The following CERS6 variants were observed in gnomAD, a reference collection of about 807,000 sequenced individuals.
The protein encoded by CERS6 is ceramide synthase 6, also known as LAG1 homolog, ceramide synthase 6.
CERS6 carries 26 observed loss-of-function variants against 56.8 expected under a neutral mutation model. That is an observed-to-expected ratio of 0.46 (90% CI 0.34 to 0.63). CERS6 has a LOEUF of 0.63. CERS6 is among the 30% of genes least tolerant of loss of function. CERS6 has a pLI of 0.01. For synonymous variants in CERS6, 164 were observed against 173.3 expected (o/e 0.95, Z 0.42); for missense variants, 415 against 467.5 (o/e 0.89, Z 1.04).
chr2:168,741,042 CAGTG>C (rs975226934), intron 8 of CERS6, among the ~76,000 whole-genome samples: 4 of 152,112 alleles, frequency 2.6e-5, no homozygotes, highest in Non-Finnish European at 5.9e-5. Flanking sequence ...TTAAGTAACT[CAGTG>C]AGGGCTGAAG....
chr2:168,591,181 T>G (rs1374240064), intron 3 of CERS6, among the ~76,000 whole-genome samples: 1 of 152,208 alleles, frequency 6.6e-6, no homozygotes, highest in Non-Finnish European at 1.5e-5. Flanking sequence ...TGTAATAGAG[T>G]CCAAGTAATT....
intron 8 of CERS6, among the ~76,000 whole-genome samples, chr2:168,752,700 T>C (rs2105447532): frequency 6.6e-6 from 1 of 152,354 alleles, no homozygotes; most frequent in Non-Finnish European, 1.5e-5. Flanking sequence ...AATGTCCTGC[T>C]GCTGAAAGCT....
chr2:168,613,289 T>C (rs1684232076), intron 3 of CERS6, among the ~76,000 whole-genome samples: 1 of 152,018 alleles, frequency 6.6e-6, no homozygotes, highest in Admixed American at 6.6e-5. Context: ...GATATAGAGA[T>C]GGTTAGAGGC....
At chr2:168,662,825 TAA>T (rs1014284597) in intron 4 of CERS6, among the ~76,000 whole-genome samples, 7 of 152,250 alleles carry the variant, frequency 4.6e-5, no homozygotes, top group African/African-American at 1.7e-4. Context: ...ATATGTGGTA[TAA>T]AGTCTTTGCA....
intron 4 of CERS6, among the ~76,000 whole-genome samples, chr2:168,685,597 T>C (rs929820121): frequency 6.6e-6 from 1 of 152,108 alleles, no homozygotes; most frequent in African/African-American, 2.4e-5. Context: ...AAAGAGCAGA[T>C]TTACTGACAC....
At chr2:168,626,726 C>T (rs1170454418) in intron 3 of CERS6, among the ~76,000 whole-genome samples, 1 of 152,156 alleles carries the variant, frequency 6.6e-6, no homozygotes, top group Non-Finnish European at 1.5e-5. Context: ...ATTTACCAGG[C>T]GTCTGGCTTT....
chr2:168,711,268 T>TC (rs1687081568), intron 6 of CERS6, among the ~76,000 whole-genome samples: 1 of 152,210 alleles, frequency 6.6e-6, no homozygotes, highest in African/African-American at 2.4e-5. Flanking sequence ...CATCACCAGC[T>TC]ACTCAGCTGC....
intron 8 of CERS6, among the ~76,000 whole-genome samples, chr2:168,755,808 A>G (rs751466153): frequency 1.1e-4 from 16 of 152,186 alleles, no homozygotes; most frequent in Non-Finnish European, 2.4e-4. Flanking sequence ...GAGTTCAGTG[A>G]ATTATCAGAA....
chr2:168,669,877 T>A (rs966917939), intron 4 of CERS6, among the ~76,000 whole-genome samples: 1 of 152,216 alleles, frequency 6.6e-6, no homozygotes, highest in African/African-American at 2.4e-5. Flanking sequence ...GCAGATTTTC[T>A]TCAAAGACCA....
chr2:168,748,800 C>T (rs546083999), intron 8 of CERS6, among the ~76,000 whole-genome samples: 26 of 137,966 alleles, frequency 1.9e-4, no homozygotes, highest in Non-Finnish European at 3.6e-4. Flanking sequence ...ATTAGTATAA[C>T]ATTTAATCCC....
At chr2:168,684,139 G>T (rs978317404) in intron 4 of CERS6, among the ~76,000 whole-genome samples, 2 of 152,156 alleles carry the variant, frequency 1.3e-5, no homozygotes, top group Admixed American at 6.6e-5. Flanking sequence ...CCTTTTTAAA[G>T]CCTGATCAAT....
At position 168,774,584 on chromosome 2, in the gene CERS6, A is replaced by G. The variant is rs1473702600; in HGVS notation, c.*4922A>G. 1 of 151,938 alleles carries G rather than the reference A, an allele frequency of 6.6e-6. No homozygotes were observed. Among genetic ancestry groups the G allele is most frequent in the African/African-American group, 2.4e-5 (1 of 41,334 alleles). 9.4% of individuals were successfully genotyped at this position (151,938 alleles called of 1,614,324 possible). On this transcript the variant is annotated 3_prime_UTR_variant, in exon 10 of 10. Coordinates refer to ENST00000305747, the MANE Select transcript of CERS6 (RefSeq NM_203463.3). ...CATTGAGACAATTTTTTCTTTATCC[A>G]CAGTAATTTTTTGACACTGTCATCA...
At chr2:168,585,780 C>T (rs1683526528) in intron 3 of CERS6, among the ~76,000 whole-genome samples, 1 of 152,142 alleles carries the variant, frequency 6.6e-6, no homozygotes, top group South Asian at 2.1e-4. Context: ...AGTAGAAGTC[C>T]ATCAGAAAAA....
intron 3 of CERS6, among the ~76,000 whole-genome samples, chr2:168,567,708 T>C (rs1695908043): frequency 6.6e-6 from 1 of 152,212 alleles, no homozygotes; most frequent in Admixed American, 6.5e-5. Flanking sequence ...GAATATCGTC[T>C]CCTAGTGCTA....
chr2:168,765,496 G>A, intron 8 of CERS6, 96 bp from the exon 9 acceptor site: 1 of 1,256,952 alleles, frequency 8.0e-7, no homozygotes, highest in African/African-American at 1.5e-5. Flanking sequence ...GTAGTTGGGA[G>A]ATATTGTTGA....
At chr2:168,521,420 A>G (rs1694981365) in intron 1 of CERS6, among the ~76,000 whole-genome samples, 1 of 152,176 alleles carries the variant, frequency 6.6e-6, no homozygotes, top group Non-Finnish European at 1.5e-5. Flanking sequence ...ATGAGTTGAT[A>G]GATTTGTCAT....
rs1444905268 is a variant in CERS6, at chr2:168,769,825, T to A, written c.*163T>A. Reference sequence around the variant, plus strand: ...CACTGCCATGTGTCCTGTCTGTGAATGAAGAAGAATTACCATTCTCTCTTT... The same window carrying A: ...CACTGCCATGTGTCCTGTCTGTGAAAGAAGAAGAATTACCATTCTCTCTTT... On this transcript the variant is annotated 3_prime_UTR_variant, in exon 10 of 10. Coordinates refer to ENST00000305747, the MANE Select transcript of CERS6 (RefSeq NM_203463.3). The A allele has an allele frequency of 4.6e-6, 3 of 647,660 alleles. No homozygotes were observed. The highest frequency in any genetic ancestry group is 7.8e-6 in the Non-Finnish European group (3 of 384,004). 40.1% of individuals were successfully genotyped at this position (647,660 alleles called of 1,614,324 possible).
At position 168,755,623 on chromosome 2, in the gene CERS6, TC is replaced by T. The variant is rs1430335905; in HGVS notation, c.846-9966del. ...TGTTAAAATGAGAAAATACAAATTGTCCCAGCCTCAGCAACTACCCAAATAG... is the reference window on the plus strand; with the variant it reads ...TGTTAAAATGAGAAAATACAAATTGTCCAGCCTCAGCAACTACCCAAATAG... On this transcript the variant is annotated intron_variant, in intron 8 of 9. Coordinates refer to ENST00000305747, the MANE Select transcript of CERS6 (RefSeq NM_203463.3). Among the ~76,000 whole-genome samples, 11 of 152,178 alleles carry T rather than the reference TC, an allele frequency of 7.2e-5. 1 individual carries two copies. Among genetic ancestry groups the T allele is most frequent in the Non-Finnish European group, 1.6e-4 (11 of 68,028 alleles).
chr2:168,744,110 A>G lies in CERS6; in HGVS notation c.846-21482A>G, dbSNP rs559921993. ...AAGCTCCACCTCCTGTGTTCTCGCC[A>G]TTCTCCTGCCTCAGCCTCCTGAGTA... On this transcript the variant is annotated intron_variant, in intron 8 of 9. Transcript: ENST00000305747. Among the ~76,000 whole-genome samples the G allele has an allele frequency of 2.1e-3, 293 of 136,404 alleles. 1 individual carries two copies. Among genetic ancestry groups the G allele is most frequent in the African/African-American group, 7.9e-3 (265 of 33,388 alleles). 89.5% of individuals were successfully genotyped at this position (136,404 alleles called of 152,430 possible). A position where few individuals can be genotyped will look rare whatever the true frequency, so the allele number is the denominator to read the frequency against.
Sources: allele counts gnomAD v4.1 joint callset (sites outside exome capture counted in the v4.1 genomes callset), GRCh38; gene constraint gnomAD v4.1.1; transcripts MANE v1.5; gene names NCBI Gene and HGNC (gene_info 2026-07-23, HGNC 2026-07-21).